The following ITFG1 variants were observed in gnomAD, a reference collection of about 807,000 sequenced individuals.
The protein encoded by ITFG1 is integrin alpha FG-GAP repeat containing 1.
A neutral mutation model predicts 81.8 loss-of-function variants in ITFG1; 34 were observed. The observed-to-expected ratio is 0.42, with a 90% CI of 0.32 to 0.55. ITFG1 has a LOEUF of 0.55. Among genes scored for constraint, ITFG1 ranks in the 20% least tolerant of loss-of-function variants. The pLI is 0.17. For synonymous variants in ITFG1, 285 were observed against 270.6 expected (o/e 1.05, Z -0.52); for missense variants, 672 against 755.4 (o/e 0.89, Z 1.29).
intron 8 of ITFG1, among the ~76,000 whole-genome samples, chr16:47,323,140 A>G (rs1409726584): frequency 2.0e-5 from 3 of 152,100 alleles, no homozygotes; most frequent in African/African-American, 7.2e-5. Context: ...TTGAAATTTA[A>G]TGCCTAATGA....
chr16:47,179,501 T>C (rs1965073508), intron 14 of ITFG1, among the ~76,000 whole-genome samples: 1 of 152,132 alleles, frequency 6.6e-6, no homozygotes, highest in East Asian at 1.9e-4. Context: ...GATTTTATTG[T>C]GAGGGGATTG....
intron 8 of ITFG1, among the ~76,000 whole-genome samples, chr16:47,356,738 T>A (rs909317507): frequency 6.6e-6 from 1 of 152,194 alleles, no homozygotes; most frequent in African/African-American, 2.4e-5. Context: ...CTATGACTTA[T>A]CAATGAATGG....
At chr16:47,409,406 T>TATATATATATA (rs59928420) in intron 6 of ITFG1, among the ~76,000 whole-genome samples, 1 of 11,726 alleles carries the variant, frequency 8.5e-5, no homozygotes, top group Non-Finnish European at 1.7e-4. Flanking sequence ...ATATATATAT[T>TATATATATATA]TTTTTTTTTT....
At chr16:47,281,765 C>CT (rs916282624) in intron 10 of ITFG1, among the ~76,000 whole-genome samples, 6 of 150,622 alleles carry the variant, frequency 4.0e-5, no homozygotes, top group African/African-American at 7.3e-5. Context: ...ACAATCCTCT[C>CT]TTTTTTTTTG....
At chr16:47,297,410 T>C (rs1030865254) in intron 10 of ITFG1, among the ~76,000 whole-genome samples, 1 of 152,190 alleles carries the variant, frequency 6.6e-6, no homozygotes, top group Non-Finnish European at 1.5e-5. Context: ...AATATTTATG[T>C]CATTTACATT....
intron 13 of ITFG1, among the ~76,000 whole-genome samples, chr16:47,232,848 C>T (rs1019486702): frequency 2.6e-5 from 4 of 151,872 alleles, no homozygotes; most frequent in Admixed American, 6.6e-5. Flanking sequence ...AGCACGTTGC[C>T]CAGGCTGGTC....
intron 6 of ITFG1, among the ~76,000 whole-genome samples, chr16:47,380,046 GC>G (rs940089291): frequency 1.9e-5 from 2 of 104,416 alleles, no homozygotes; most frequent in Admixed American, 1.1e-4. Flanking sequence ...CTCTTGGGTA[GC>G]CAAAAAAAAA....
At chr16:47,344,185 A>G (rs1263080603) in intron 8 of ITFG1, among the ~76,000 whole-genome samples, 1 of 152,236 alleles carries the variant, frequency 6.6e-6, no homozygotes, top group Non-Finnish European at 1.5e-5. Context: ...CTGAAAATAC[A>G]TAGTGGTTAA....
chr16:47,203,055 T>G (rs1405309809), intron 14 of ITFG1, among the ~76,000 whole-genome samples: 2 of 152,094 alleles, frequency 1.3e-5, no homozygotes. Context: ...TACACCCATG[T>G]TTATAGCAGG....
rs373722962 is a variant in ITFG1, at chr16:47,457,677, A to G, written c.281+1426T>C. On this transcript the variant is annotated intron_variant, in intron 2 of 17. Transcript: ENST00000320640. ...TATTTTAAATTATAACACAAACAAGAGTTTCTAAATTTTGAAAGTGCATTG... is the reference window on the plus strand; with the variant it reads ...TATTTTAAATTATAACACAAACAAGGGTTTCTAAATTTTGAAAGTGCATTG... Among the ~76,000 whole-genome samples, 19 of 152,246 alleles carry G rather than the reference A, an allele frequency of 1.2e-4. No individual in the cohort carries two copies. In the East Asian group the frequency reaches 2.9e-3, roughly 23 times the overall value.
At chr16:47,262,828 A>G (rs9939174) in intron 10 of ITFG1, 2,733 of 152,946 alleles carry the variant, frequency 0.018, 84 homozygotes, top group African/African-American at 0.061. Flanking sequence ...GAGGCTGGCC[A>G]TGCCCAGCTG....
At chr16:47,404,701 T>C (rs1017390989) in intron 6 of ITFG1, among the ~76,000 whole-genome samples, 2 of 152,204 alleles carry the variant, frequency 1.3e-5, no homozygotes, top group African/African-American at 2.4e-5. Context: ...CTAAATGTTA[T>C]CACTTTTCTG....
chr16:47,424,485 C>G (rs1241189288), intron 6 of ITFG1, among the ~76,000 whole-genome samples: 1 of 152,204 alleles, frequency 6.6e-6, no homozygotes, highest in African/African-American at 2.4e-5. Flanking sequence ...TGGTGAGGAG[C>G]TGCAATCCTT....
At chr16:47,311,475 A>T in intron 9 of ITFG1, 63 bp from the exon 10 acceptor site, 1 of 1,269,760 alleles carries the variant, frequency 7.9e-7, no homozygotes, top group Non-Finnish European at 1.1e-6. Context: ...TATAATTTGC[A>T]AAACAAACGA....
chr16:47,343,670 T>C (rs1319072228), intron 8 of ITFG1, among the ~76,000 whole-genome samples: 1 of 152,086 alleles, frequency 6.6e-6, no homozygotes. Flanking sequence ...TCACATCTAC[T>C]AGGAAGGCTC....
At chr16:47,409,387 T>TACATATAC (rs1968772508) in intron 6 of ITFG1, among the ~76,000 whole-genome samples, 1 of 14,582 alleles carries the variant, frequency 6.9e-5, no homozygotes, top group Non-Finnish European at 1.4e-4. Flanking sequence ...TATATATATA[T>TACATATAC]ATATATATAT....
chr16:47,172,112 T>A (rs1221200226), intron 14 of ITFG1, among the ~76,000 whole-genome samples: 1 of 152,214 alleles, frequency 6.6e-6, no homozygotes, highest in Non-Finnish European at 1.5e-5. Flanking sequence ...CTCTGAACTC[T>A]AGGCTCTCAT....
chr16:47,451,726 G>C (rs564012812), intron 4 of ITFG1, among the ~76,000 whole-genome samples: 1 of 152,300 alleles, frequency 6.6e-6, no homozygotes, highest in Admixed American at 6.5e-5. Flanking sequence ...GATTCAGATG[G>C]ACTAGCTACA....
intron 6 of ITFG1, among the ~76,000 whole-genome samples, chr16:47,409,404 A>ACATTTTTTT (rs1968778033): frequency 1.6e-4 from 1 of 6,102 alleles, no homozygotes; most frequent in Non-Finnish European, 2.9e-4. Context: ...ATATATATAT[A>ACATTTTTTT]TTTTTTTTTT....
Sources: allele counts gnomAD v4.1 joint callset (sites outside exome capture counted in the v4.1 genomes callset), GRCh38; gene constraint gnomAD v4.1.1; transcripts MANE v1.5; gene names NCBI Gene and HGNC (gene_info 2026-07-23, HGNC 2026-07-21).